PARP16: variants seen among roughly 807,000 people sequenced by gnomAD.
PARP16 encodes the protein poly(ADP-ribose) polymerase family member 16, also known as protein mono-ADP-ribosyltransferase PARP16.
Under a neutral mutation model 35.0 loss-of-function variants are expected in PARP16, and 31 were observed. The ratio of observed to expected loss-of-function variants is 0.88; its 90% CI spans 0.66 to 1.19. The LOEUF (loss-of-function observed/expected upper bound fraction) is 1.19, where lower values mean the gene tolerates loss of function less well. PARP16 is among the 50% of genes most tolerant of loss of function. The pLI, the probability that PARP16 is intolerant of heterozygous loss-of-function variation, is 0.00. For synonymous variants in PARP16, 162 were observed against 169.5 expected (o/e 0.96, Z 0.34); for missense variants, 424 against 411.2 (o/e 1.03, Z -0.27).
intron 3 of PARP16, among the ~76,000 whole-genome samples, chr15:65,246,319 C>T (rs1209097901): frequency 1.3e-5 from 2 of 152,234 alleles, no homozygotes; most frequent in African/African-American, 4.8e-5. Context: ...CTCCGGACCG[C>T]CCCCAACTCT....
chr15:65,241,508 G>C (rs528427471), intron 3 of PARP16, among the ~76,000 whole-genome samples: 1 of 152,230 alleles, frequency 6.6e-6, no homozygotes, highest in Non-Finnish European at 1.5e-5. Context: ...TCACATCCTT[G>C]CCAACACTTC....
At chr15:65,240,400 T>A (rs1486581036) in intron 3 of PARP16, among the ~76,000 whole-genome samples, 8 of 151,026 alleles carry the variant, frequency 5.3e-5, no homozygotes, top group East Asian at 2.0e-4. Context: ...CCCGGCCAAT[T>A]TTTTTGTAGA....
chr15:65,232,116 T>C (rs79738998), downstream of PARP16, among the ~76,000 whole-genome samples: 16 of 152,268 alleles, frequency 1.1e-4, no homozygotes, highest in East Asian at 3.1e-3. Flanking sequence ...GGGATGGGCA[T>C]GGTGGCTCAA....
At chr15:65,247,771 C>A (rs184012804) in intron 3 of PARP16, among the ~76,000 whole-genome samples, 77 of 151,212 alleles carry the variant, frequency 5.1e-4, no homozygotes, top group African/African-American at 1.8e-3. Flanking sequence ...CGATAACACA[C>A]ACAGGCACTT....
chr15:65,268,451 T>C (rs2089976936), intron 2 of PARP16, among the ~76,000 whole-genome samples: 1 of 152,180 alleles, frequency 6.6e-6, no homozygotes, highest in Admixed American at 6.5e-5. Flanking sequence ...CATTTGTTGC[T>C]GTTGTTGTTT....
In PARP16 at chr15:65,271,360, G is replaced by C. The variant is rs1016014085; in HGVS notation, c.175-288C>G. ...ATGATCTTGGCTCACTGCAGCCTCT[G>C]CCTCCTAGGTTCAAGCAATTCTCCC... On this transcript the variant is annotated intron_variant, in intron 1 of 5. Coordinates refer to ENST00000649807, the MANE Select transcript of PARP16 (RefSeq NM_001316943.2). Among the ~76,000 whole-genome samples the C allele has an allele frequency of 3.3e-5, 5 of 152,122 alleles. No homozygotes were observed. The East Asian group carries it at 9.7e-4, about 29-fold the overall frequency.
downstream of PARP16, among the ~76,000 whole-genome samples, chr15:65,231,974 C>A (rs535432777): frequency 1.3e-5 from 2 of 151,750 alleles, no homozygotes; most frequent in East Asian, 3.9e-4. Context: ...TTTTATAATT[C>A]TTTTTAAAAA....
intron 4 of PARP16, among the ~76,000 whole-genome samples, chr15:65,261,308 A>G (rs2089705153): frequency 6.6e-6 from 1 of 151,660 alleles, no homozygotes; most frequent in Non-Finnish European, 1.5e-5. Context: ...ATTGATGGCC[A>G]TAGCAAAGAA....
chr15:65,263,378 G>A (rs1446079737), intron 3 of PARP16, 58 bp from the exon 4 acceptor site: 13 of 1,413,202 alleles, frequency 9.2e-6, no homozygotes, highest in African/African-American at 5.7e-5. Flanking sequence ...CAGTTGGCAC[G>A]GCAAGACGAC....
At position 65,246,446 on chromosome 15, in the gene PARP16, C is replaced by T. The variant is rs147628389; in HGVS notation, c.*97+1671G>A. ...TCAGCCACCTGAGCCAGGAGCAGAG[C>T]GATGCGCTCCCAGCAATATCAATCA... On this transcript the variant is annotated intron_variant and NMD_transcript_variant, in intron 3 of 3. Transcript: ENST00000559805. Among the ~76,000 whole-genome samples, 599 of 152,306 alleles carry T rather than the reference C, an allele frequency of 3.9e-3. 4 individuals are homozygous for T. Among genetic ancestry groups the T allele is most frequent in the African/African-American group, 0.013 (550 of 41,562 alleles).
intron 3 of PARP16, 77 bp from the exon 4 acceptor site, chr15:65,263,397 C>T: frequency 8.0e-7 from 1 of 1,251,986 alleles, no homozygotes. Context: ...ACACAGGTCT[C>T]TCTTCAAGAG....
intron 3 of PARP16, among the ~76,000 whole-genome samples, chr15:65,263,751 A>G (rs963813748): frequency 5.9e-5 from 9 of 152,380 alleles, no homozygotes; most frequent in African/African-American, 1.7e-4. Flanking sequence ...GGCAATATAC[A>G]TACATAAAAG....
intron 1 of PARP16, among the ~76,000 whole-genome samples, chr15:65,273,545 T>G (rs1281833865): frequency 6.6e-6 from 1 of 152,008 alleles, no homozygotes; most frequent in African/African-American, 2.4e-5. Flanking sequence ...ACTTTATTTC[T>G]ATTTCCAGAG....
At chr15:65,250,672 C>T (rs955592485) in intron 2 of PARP16, among the ~76,000 whole-genome samples, 15 of 152,218 alleles carry the variant, frequency 9.9e-5, no homozygotes, top group African/African-American at 3.4e-4. Context: ...TCTGGTCTTC[C>T]TGAGGGCCAG....
At position 65,286,578 on chromosome 15, in the gene PARP16, GGGGTGAGAACGTGCCGACAA is replaced by G; in HGVS notation, c.-172_-153del. The G allele has an allele frequency of 1.8e-6, 1 of 545,784 alleles. No homozygotes were observed. Among genetic ancestry groups the G allele is most frequent in the South Asian group, 2.6e-5 (1 of 38,850 alleles). 33.8% of individuals were successfully genotyped at this position (545,784 alleles called of 1,614,324 possible). On this transcript the variant is annotated 5_prime_UTR_variant, in exon 1 of 6. Coordinates refer to ENST00000649807, the MANE Select transcript of PARP16 (RefSeq NM_001316943.2). ...AGCTAGGCAGGGGGCTGAGATGACA[GGGGTGAGAACGTGCCGACAA>G]GTGTCCTCTGCCGGGGTCTGGGCCG...
intron 1 of PARP16, 98 bp from the exon 2 acceptor site, chr15:65,271,170 G>A (rs931295073): frequency 9.7e-6 from 11 of 1,132,744 alleles, no homozygotes; most frequent in East Asian, 2.4e-5. Flanking sequence ...CTTGTTGCAC[G>A]TCTCAAGGGA....
chr15:65,259,763 G>C (rs2089639478), intron 5 of PARP16, among the ~76,000 whole-genome samples: 1 of 152,214 alleles, frequency 6.6e-6, no homozygotes, highest in African/African-American at 2.4e-5. Context: ...CGCAAAGACA[G>C]CTATGCAATG....
At chr15:65,240,196 A>G (rs2089018519) in intron 3 of PARP16, among the ~76,000 whole-genome samples, 1 of 148,866 alleles carries the variant, frequency 6.7e-6, no homozygotes, top group African/African-American at 2.5e-5. Context: ...CAGGCTGGAG[A>G]GCAGTGGCTC....
At chr15:65,278,764 A>G (rs1257454417) in intron 1 of PARP16, among the ~76,000 whole-genome samples, 2 of 152,202 alleles carry the variant, frequency 1.3e-5, no homozygotes, top group Non-Finnish European at 2.9e-5. Context: ...GGCAGCAGGA[A>G]AGAACAAACA....
Sources: allele counts gnomAD v4.1 joint callset (sites outside exome capture counted in the v4.1 genomes callset), GRCh38; gene constraint gnomAD v4.1.1; transcripts MANE v1.5; gene names NCBI Gene and HGNC (gene_info 2026-07-23, HGNC 2026-07-21).